The following TANGO2 variants were observed in gnomAD, a reference collection of about 807,000 sequenced individuals.
TANGO2 encodes the protein transport and golgi organization 2 homolog.
In TANGO2, 26 loss-of-function variants were observed where a neutral mutation model predicts 39.1. The observed-to-expected ratio is 0.67, with a 90% confidence interval of 0.49 to 0.92. The LOEUF (loss-of-function observed/expected upper bound fraction) is 0.92, where lower values mean the gene tolerates loss of function less well. TANGO2 is among the 40% of genes least tolerant of loss of function. TANGO2 has a pLI of 0.00. For synonymous variants in TANGO2, 131 were observed against 144.5 expected, an observed-to-expected ratio of 0.91 and a Z score of 0.67; for missense variants, 326 against 360.1, an observed-to-expected ratio of 0.91 and a Z score of 0.77.
At chr22:20,029,339 C>T (rs940206169) in intron 1 of TANGO2, among the ~76,000 whole-genome samples, 1 of 152,198 alleles carries the variant, frequency 6.6e-6, no homozygotes, top group Non-Finnish European at 1.5e-5. Flanking sequence ...AAAGCATCAG[C>T]AGATGGGCCC....
intron 1 of TANGO2, among the ~76,000 whole-genome samples, chr22:20,034,510 G>A (rs562714335): frequency 1.3e-5 from 2 of 152,294 alleles, no homozygotes; most frequent in Middle Eastern, 3.4e-3. Context: ...TACGAGTGCT[G>A]GAACCCCTTA....
chr22:20,032,045 T>C (rs1174946302), intron 1 of TANGO2, among the ~76,000 whole-genome samples: 1 of 152,194 alleles, frequency 6.6e-6, no homozygotes, highest in Non-Finnish European at 1.5e-5. Context: ...CCTGGGACTC[T>C]TGAGATGAGA....
In TANGO2 at chr22:20,064,708, T is replaced by G; in HGVS notation, c.*46T>G. 3 of 1,608,220 alleles carry G rather than the reference T, an allele frequency of 1.9e-6. No individual in the cohort carries two copies. The highest frequency in any genetic ancestry group is 2.5e-6 in the Non-Finnish European group (3 of 1,177,140). ...AGTGGGCTCCTGGGGGGCCCTGCCT[T>G]GAGGGGCACTGTGGACAGGAAACCT... On this transcript the variant is annotated 3_prime_UTR_variant, in exon 9 of 9. Transcript: ENST00000327374.
intron 8 of TANGO2, 44 bp downstream of exon 8, chr22:20,063,486 A>G: frequency 6.5e-6 from 10 of 1,545,862 alleles, no homozygotes; most frequent in Non-Finnish European, 8.8e-6. Context: ...CCCATGTCCC[A>G]CCTCCCACGC....
chr22:20,029,112 G>C (rs972331890), intron 1 of TANGO2, among the ~76,000 whole-genome samples: 7 of 152,170 alleles, frequency 4.6e-5, no homozygotes, highest in Admixed American at 4.6e-4. Context: ...TTTAGACACC[G>C]CATGGAGTGA....
At chr22:20,061,210 C>T (rs1278554443) in intron 6 of TANGO2, 2 of 227,130 alleles carry the variant, frequency 8.8e-6, no homozygotes, top group African/African-American at 2.3e-5. Flanking sequence ...AAGAGGTTCC[C>T]TCTTGGCTGT....
chr22:20,026,179 C>A (rs556324463), intron 1 of TANGO2, among the ~76,000 whole-genome samples: 1 of 152,318 alleles, frequency 6.6e-6, no homozygotes, highest in African/African-American at 2.4e-5. Flanking sequence ...GCGGGGGGAT[C>A]ATGAGGTCAG....
At chr22:20,032,706 C>T (rs2008591) in intron 1 of TANGO2, among the ~76,000 whole-genome samples, 60,104 of 152,074 alleles carry the variant, frequency 0.4, 12,273 homozygotes, top group African/African-American at 0.49. Flanking sequence ...CACCAACCCT[C>T]CTGTAGAGTT....
intron 6 of TANGO2, among the ~76,000 whole-genome samples, chr22:20,059,415 T>A (rs920744979): frequency 1.3e-5 from 2 of 152,230 alleles, no homozygotes; most frequent in African/African-American, 4.8e-5. Flanking sequence ...ATGGAGTTGT[T>A]AAGTCGTATG....
rs763282953 is a variant in TANGO2 at position 20,052,558 on chromosome 22, A to T, written c.239A>T (p.Gln80Leu). The T allele has an allele frequency of 2.5e-6, 4 of 1,589,168 alleles. No individual in the cohort carries two copies. Among genetic ancestry groups the T allele is most frequent in the Non-Finnish European group, 3.4e-6 (4 of 1,167,834 alleles). ...GCACTCACCAACTACCTGCAGCCGCAGCTGGACTGGCAGGCCCGAGGGCGA... is the reference window on the plus strand; with the variant it reads ...GCACTCACCAACTACCTGCAGCCGCTGCTGGACTGGCAGGCCCGAGGGCGA... ...LAALTNYLQP[Q>L]LDWQARGRGE... is the part of the protein sequence containing the mutation. Residue 80 changes from glutamine to leucine, a missense_variant, in exon 4 of 9, where the codon CAG (glutamine) becomes CTG (leucine). Coordinates refer to ENST00000327374, the MANE Select transcript of TANGO2 (RefSeq NM_152906.7).
chr22:20,058,641 C>CAAAA (rs695705), intron 6 of TANGO2, among the ~76,000 whole-genome samples: 1 of 106,528 alleles, frequency 9.4e-6, no homozygotes. Context: ...GATTGCATCT[C>CAAAA]AAAAAAAAAA....
chr22:20,044,724 G>A (rs1261010066), intron 3 of TANGO2, among the ~76,000 whole-genome samples: 1 of 152,310 alleles, frequency 6.6e-6, no homozygotes, highest in East Asian at 1.9e-4. Context: ...GGATGCAGTG[G>A]GTGCAGGGCT....
chr22:20,035,488 G>A (rs1168860982), intron 1 of TANGO2, among the ~76,000 whole-genome samples: 2 of 152,218 alleles, frequency 1.3e-5, no homozygotes, highest in South Asian at 2.1e-4. Flanking sequence ...TCACCCTTGG[G>A]TGGCCTCGGA....
At chr22:20,028,176 AT>A (rs2041158333) in intron 1 of TANGO2, among the ~76,000 whole-genome samples, 1 of 152,128 alleles carries the variant, frequency 6.6e-6, no homozygotes, top group Non-Finnish European at 1.5e-5. Flanking sequence ...CAGTGACATG[AT>A]CATAATTCAC....
intron 5 of TANGO2, chr22:20,053,770 G>A (rs771829571): frequency 3.4e-6 from 2 of 588,906 alleles, no homozygotes; most frequent in South Asian, 1.5e-5. Context: ...TGGCATGAGG[G>A]CTGCCGGATC....
chr22:20,018,683 T>A (rs554472066), upstream of TANGO2, among the ~76,000 whole-genome samples: 3 of 152,236 alleles, frequency 2.0e-5, no homozygotes, highest in South Asian at 6.2e-4. Flanking sequence ...GCAGGCAGGA[T>A]CATTAGCTGA....
At chr22:20,058,997 T>TA (rs2047888954) in intron 6 of TANGO2, among the ~76,000 whole-genome samples, 1 of 152,210 alleles carries the variant, frequency 6.6e-6, no homozygotes, top group Non-Finnish European at 1.5e-5. Flanking sequence ...AGGTGAGCTC[T>TA]AGGACACAGT....
chr22:20,052,547 C>T lies in TANGO2; in HGVS notation c.228C>T (p.Tyr76=). The stretch of plus-strand genomic sequence containing the variant: ...GCAAGCTGGCAGCACTCACCAACTA[C>T]CTGCAGCCGCAGCTGGACTGGCAGG... The part of the protein sequence containing the change: ...TRGKLAALTN[Y]LQPQLDWQAR... Residue 76 remains tyrosine, a synonymous_variant, in exon 4 of 9, where the codon TAC becomes TAT. Coordinates refer to ENST00000327374, the MANE Select transcript of TANGO2 (RefSeq NM_152906.7). The T allele has an allele frequency of 6.3e-7, 1 of 1,598,348 alleles. No homozygotes were observed. The highest frequency in any genetic ancestry group is 8.5e-7 in the Non-Finnish European group (1 of 1,172,732).
At chr22:20,032,337 C>T (rs995292282) in intron 1 of TANGO2, among the ~76,000 whole-genome samples, 10 of 152,290 alleles carry the variant, frequency 6.6e-5, no homozygotes, top group African/African-American at 1.9e-4. Context: ...GCAGGCTGCC[C>T]TGGTGGTCTT....
Sources: gnomAD v4.1 joint callset for allele counts (sites outside exome capture counted in the v4.1 genomes callset) on GRCh38, gnomAD v4.1.1 for gene constraint, MANE v1.5 for transcripts, NCBI Gene and HGNC (gene_info 2026-07-23, HGNC 2026-07-21) for gene names.